CHST11: variants seen among roughly 807,000 people sequenced by gnomAD.
CHST11 encodes C4S-1.
In CHST11, 9 loss-of-function variants were observed where a neutral mutation model predicts 30.4. That is an observed-to-expected ratio of 0.30 (90% confidence interval 0.18 to 0.52). The LOEUF is 0.52. Ranked by LOEUF, CHST11 falls within the 20% of genes least tolerant of loss-of-function variation. CHST11 has a pLI of 0.97. For synonymous variants in CHST11, 152 were observed against 187.8 expected (o/e 0.81, Z 1.56); for missense variants, 348 against 460.6 (o/e 0.76, Z 2.24).
At chr12:104,555,394 TAA>T (rs1256948736) in intron 1 of CHST11, among the ~76,000 whole-genome samples, 2 of 152,234 alleles carry the variant, frequency 1.3e-5, no homozygotes, top group Non-Finnish European at 1.5e-5. Context: ...ATTTGTGGGT[TAA>T]ATTTCTGTAA....
Position 104,532,506 on chromosome 12 carries a change from C to T in CHST11, c.119-69400C>T, listed in dbSNP as rs75000573. The stretch of plus-strand genomic sequence containing the variant: ...ATGCAGAGGTACATAGGGCAAGGTG[C>T]GGGAGGGGTGCAGAGCGTCCATGCC... On this transcript the variant is annotated intron_variant, in intron 1 of 2. Transcript: ENST00000303694. Among the ~76,000 whole-genome samples the T allele has an allele frequency of 3.5e-3, 529 of 152,284 alleles. 2 individuals carry two copies. Among genetic ancestry groups the T allele is most frequent in the Middle Eastern group, 6.8e-3 (2 of 294 alleles).
At chr12:104,616,611 G>A (rs1295794437) in intron 2 of CHST11, among the ~76,000 whole-genome samples, 2 of 152,004 alleles carry the variant, frequency 1.3e-5, no homozygotes, top group South Asian at 2.1e-4. Flanking sequence ...GACTACAGGC[G>A]CACACCACCA....
intron 1 of CHST11, among the ~76,000 whole-genome samples, chr12:104,487,819 C>T (rs925706391): frequency 4.0e-5 from 6 of 151,202 alleles, no homozygotes; most frequent in Admixed American, 6.6e-5. Context: ...TGTCTCCTTG[C>T]GTGGTTAAAA....
At chr12:104,485,963 C>T (rs190022220) in intron 1 of CHST11, among the ~76,000 whole-genome samples, 1 of 152,282 alleles carries the variant, frequency 6.6e-6, no homozygotes, top group African/African-American at 2.4e-5. Context: ...AAAGCTGGAG[C>T]ATAAGTCATC....
intron 1 of CHST11, among the ~76,000 whole-genome samples, chr12:104,543,761 G>A (rs2136003311): frequency 6.6e-6 from 1 of 152,090 alleles, no homozygotes; most frequent in Non-Finnish European, 1.5e-5. Flanking sequence ...CCCTGCCCCG[G>A]TAACTAACAG....
intron 2 of CHST11, among the ~76,000 whole-genome samples, chr12:104,634,043 T>G (rs756083359): frequency 1.3e-5 from 2 of 152,356 alleles, no homozygotes; most frequent in Non-Finnish European, 2.9e-5. Context: ...CAGTACTTAC[T>G]ATGCCAGGCT....
chr12:104,584,276 T>TC (rs1592777348), intron 1 of CHST11, among the ~76,000 whole-genome samples: 1 of 150,464 alleles, frequency 6.6e-6, no homozygotes, highest in South Asian at 2.1e-4. Context: ...TTTTTTTTTT[T>TC]CACAGCGTCT....
intron 2 of CHST11, among the ~76,000 whole-genome samples, chr12:104,746,050 G>A (rs13377671): frequency 0.014 from 2,124 of 152,256 alleles, 50 homozygotes; most frequent in African/African-American, 0.049. Context: ...GCTTTTGCCC[G>A]TTTAGTATGA....
At chr12:104,498,948 C>A (rs2037826586) in intron 1 of CHST11, among the ~76,000 whole-genome samples, 1 of 151,892 alleles carries the variant, frequency 6.6e-6, no homozygotes, top group East Asian at 2.0e-4. Context: ...TTGATCTTTT[C>A]TTGATCTTCT....
In CHST11 at chr12:104,458,418, C is replaced by T. The variant is rs934824253; in HGVS notation, c.118+889C>T. 6.6e-6 allele frequency among the ~76,000 whole-genome samples: 1 copy of T among 152,214 alleles called. No individual in the cohort carries two copies. Among genetic ancestry groups the T allele is most frequent in the African/African-American group, 2.4e-5 (1 of 41,462 alleles). Reference sequence around the variant, plus strand: ...TTCCTCCGGTCCCTTGTGGCTCAGGCAAAGTTCCACGTCCGAAATCTGGAC... The same window carrying T: ...TTCCTCCGGTCCCTTGTGGCTCAGGTAAAGTTCCACGTCCGAAATCTGGAC... On this transcript the variant is annotated intron_variant, in intron 1 of 2. Coordinates refer to ENST00000303694, the MANE Select transcript of CHST11 (RefSeq NM_018413.6). The surrounding 1 kb of genome is among the most constrained non-coding windows in gnomAD (Gnocchi z 5.7).
In CHST11 at chr12:104,686,232, T is replaced by TAAAAAAAAAAAAAAAAAAAAA. The variant is rs55789725; in HGVS notation, c.205-70700_205-70699insAAAAAAAAAAAAAAAAAAAAA. Reference sequence around the variant, plus strand: ...GATCACAAAGGGAGAACTCACCTCTTAAAAAAAAAAAAAAAAAGACAACAT... The same window carrying TAAAAAAAAAAAAAAAAAAAAA: ...GATCACAAAGGGAGAACTCACCTCTTAAAAAAAAAAAAAAAAAAAAAAAAAAAAAAAAAAAAAAGACAACAT... On this transcript the variant is annotated intron_variant, in intron 2 of 2. Transcript: ENST00000303694. Among the ~76,000 whole-genome samples the TAAAAAAAAAAAAAAAAAAAAA allele has an allele frequency of 8.1e-5, 8 of 99,132 alleles. 1 individual carries two copies. The highest frequency in any genetic ancestry group is 1.3e-4 in the African/African-American group (4 of 29,692). 65.0% of individuals were successfully genotyped at this position (99,132 alleles called of 152,430 possible). A position where few individuals can be genotyped will look rare whatever the true frequency, so the allele number is the denominator to read the frequency against.
intron 1 of CHST11, among the ~76,000 whole-genome samples, chr12:104,537,372 G>A (rs1413744996): frequency 6.6e-6 from 1 of 151,938 alleles, no homozygotes; most frequent in Non-Finnish European, 1.5e-5. Flanking sequence ...CCCAGCATGT[G>A]GCTTTCCACG....
At position 104,469,658 on chromosome 12, in the gene CHST11, C is replaced by A. The variant is rs896282073; in HGVS notation, c.118+12129C>A. On this transcript the variant is annotated intron_variant, in intron 1 of 2. Transcript: ENST00000303694. ...CTTCCTGTATAGGGGTCAGTCCTTC[C>A]CACTGCTTAACTGCAGGTGTCATGG... is the stretch of plus-strand genomic sequence containing the variant. Among the ~76,000 whole-genome samples, 3 of 152,132 alleles carry A rather than the reference C, an allele frequency of 2.0e-5. No individual in the cohort carries two copies. In the South Asian group the frequency reaches 6.2e-4, roughly 31 times the overall value.
At chr12:104,746,209 C>T (rs185090745) in intron 2 of CHST11, among the ~76,000 whole-genome samples, 26 of 152,306 alleles carry the variant, frequency 1.7e-4, no homozygotes, top group South Asian at 4.1e-4. Context: ...TGGGTTCATT[C>T]CCATTCAAGG....
chr12:104,711,479 TA>T (rs1303085828), intron 2 of CHST11, among the ~76,000 whole-genome samples: 12 of 152,062 alleles, frequency 7.9e-5, no homozygotes, highest in Admixed American at 7.9e-4. Flanking sequence ...ATTTTTTTTT[TA>T]AAGTCCTTAA....
chr12:104,686,779 C>T (rs1412164797), intron 2 of CHST11, among the ~76,000 whole-genome samples: 1 of 152,192 alleles, frequency 6.6e-6, no homozygotes, highest in Non-Finnish European at 1.5e-5. Flanking sequence ...TCCCAAGTAG[C>T]TGGGACTACA....
intron 1 of CHST11, among the ~76,000 whole-genome samples, chr12:104,483,525 T>C (rs2037648486): frequency 6.6e-6 from 1 of 152,186 alleles, no homozygotes; most frequent in Non-Finnish European, 1.5e-5. Context: ...ACTTTGACTT[T>C]TTTTCATTGC....
intron 2 of CHST11, among the ~76,000 whole-genome samples, chr12:104,622,762 G>A (rs541535673): frequency 1.3e-5 from 2 of 152,294 alleles, no homozygotes; most frequent in South Asian, 4.1e-4. Flanking sequence ...TACCTCACAG[G>A]TTTGTTGTGA....
rs1316771136 is a variant in CHST11, at chr12:104,502,018, TTTC to T, written c.118+44495_118+44497del. Among the ~76,000 whole-genome samples, 9 of 148,070 alleles carry T rather than the reference TTTC, an allele frequency of 6.1e-5. No individual in the cohort carries two copies. In the East Asian group the frequency reaches 1.8e-3, roughly 30 times the overall value. On this transcript the variant is annotated intron_variant, in intron 1 of 2. Transcript: ENST00000303694. ...TGTGACCTCAACTGTTCTTTCCTTA[TTTC>T]TTCTTTTTTACTTTTTTTTTTTTCT...
Sources: gnomAD v4.1 joint callset for allele counts (sites outside exome capture counted in the v4.1 genomes callset) on GRCh38, gnomAD v4.1.1 for gene constraint, Gnocchi (gnomAD v3.1) non-coding constraint, MANE v1.5 for transcripts, NCBI Gene and HGNC (gene_info 2026-07-23, HGNC 2026-07-21) for gene names.